Variants in PLEKHA5 observed in about 807,000 individuals in gnomAD.
PLEKHA5 encodes the protein pleckstrin homology domain-containing family A member 5.
In PLEKHA5, 55 loss-of-function variants were observed where a neutral mutation model predicts 181.9. The observed-to-expected ratio is 0.30, with a 90% CI of 0.24 to 0.38. The LOEUF is 0.38. PLEKHA5 is among the 10% of genes least tolerant of loss of function. The pLI is 1.00. For synonymous variants in PLEKHA5, 535 were observed against 529.4 expected (o/e 1.01, Z -0.15); for missense variants, 1,432 against 1,549.5 (o/e 0.92, Z 1.27).
intron 22 of PLEKHA5, among the ~76,000 whole-genome samples, chr12:19,345,422 TAAAA>T (rs2094257758): frequency 1.3e-5 from 2 of 148,444 alleles, no homozygotes; most frequent in African/African-American, 4.9e-5. Flanking sequence ...AAATAAAAAA[TAAAA>T]ATAAATAAAA....
intron 3 of PLEKHA5, among the ~76,000 whole-genome samples, chr12:19,231,971 G>T (rs1000314438): frequency 6.6e-6 from 1 of 152,002 alleles, no homozygotes; most frequent in Non-Finnish European, 1.5e-5. Context: ...TGCCAAAGGG[G>T]ATATAAATAT....
chr12:19,246,116 C>T (rs1725133780), intron 3 of PLEKHA5, among the ~76,000 whole-genome samples: 2 of 151,020 alleles, frequency 1.3e-5, no homozygotes, highest in South Asian at 4.2e-4. Flanking sequence ...GTAGCTGGGA[C>T]TACAGGCGCC....
chr12:19,208,412 A>AG, intron 3 of PLEKHA5, among the ~76,000 whole-genome samples: 1 of 80,420 alleles, frequency 1.2e-5, no homozygotes. Context: ...TGTCTCAAAA[A>AG]AAAAAAAAAG....
chr12:19,287,410 G>A, intron 12 of PLEKHA5, 63 bp from the exon 13 acceptor site: 1 of 879,430 alleles, frequency 1.1e-6, no homozygotes, highest in South Asian at 1.4e-5. Flanking sequence ...ATTTCTCCTT[G>A]CTGACATTGA....
chr12:19,210,642 A>G (rs2056718648), intron 3 of PLEKHA5, among the ~76,000 whole-genome samples: 1 of 152,224 alleles, frequency 6.6e-6, no homozygotes, highest in African/African-American at 2.4e-5. Context: ...AGTCAATAAG[A>G]AAGTATGATT....
Position 19,244,411 on chromosome 12 carries a change from T to C in PLEKHA5, c.228-9529T>C, listed in dbSNP as rs144517148. On this transcript the variant is annotated intron_variant, in intron 3 of 31. Transcript: ENST00000429027. The stretch of plus-strand genomic sequence containing the variant: ...CTGCATAGTTTTCTTCATAGAGAAA[T>C]ACAGTAGCTTCCATAGTTTCCACAC... Among the ~76,000 whole-genome samples the C allele has an allele frequency of 2.6e-3, 403 of 152,298 alleles. 3 individuals carry two copies. Among genetic ancestry groups the C allele is most frequent in the African/African-American group, 9.3e-3 (387 of 41,570 alleles).
chr12:19,290,897 C>G (rs2078267883), intron 14 of PLEKHA5, 101 bp downstream of exon 14: 7 of 1,010,512 alleles, frequency 6.9e-6, no homozygotes, highest in South Asian at 6.4e-5. Flanking sequence ...GAGCATGAGC[C>G]CATACCATCA....
intron 5 of PLEKHA5, 107 bp downstream of exon 5, chr12:19,255,272 T>C (rs1311694780): frequency 1.6e-6 from 1 of 625,336 alleles, no homozygotes; most frequent in African/African-American, 1.9e-5. Flanking sequence ...TTTTTATTAT[T>C]ACATGAATTT....
In PLEKHA5 at chr12:19,358,982, A is replaced by G. The variant is rs532096222; in HGVS notation, c.3349-430A>G. Among the ~76,000 whole-genome samples, 5 of 152,272 alleles carry G rather than the reference A, an allele frequency of 3.3e-5. No homozygotes were observed. The South Asian group carries it at 6.2e-4, about 19-fold the overall frequency. On this transcript the variant is annotated intron_variant, in intron 27 of 31. Transcript: ENST00000429027. ...AAATTCAGAGACAGCAGCCTAGCCA[A>G]CCTGTTCAGTAGCTTCTGTCTGGTC...
intron 3 of PLEKHA5, among the ~76,000 whole-genome samples, chr12:19,133,190 A>G (rs918880134): frequency 6.6e-6 from 1 of 152,004 alleles, no homozygotes; most frequent in African/African-American, 2.4e-5. Context: ...CTTGAGAGAA[A>G]AGATGACCAG....
chr12:19,348,364 A>G lies in PLEKHA5; in HGVS notation c.2899-35A>G, dbSNP rs115834684. ...AAACATTTTAAAAGAAACTTTTAGC[A>G]GTTTTTTAGGGTAATTACATGTCTT... On this transcript the variant is annotated intron_variant, in intron 24 of 31. Coordinates refer to ENST00000429027, the MANE Select transcript of PLEKHA5 (RefSeq NM_001256470.2). The G allele has an allele frequency of 4.0e-4, 615 of 1,518,752 alleles. 1 individual carries two copies. The African/African-American group carries it at 8.0e-3, about 20-fold the overall frequency. 94.1% of individuals were successfully genotyped at this position (1,518,752 alleles called of 1,614,324 possible).
intron 12 of PLEKHA5, among the ~76,000 whole-genome samples, chr12:19,285,650 C>T (rs2077062469): frequency 6.6e-6 from 1 of 152,214 alleles, no homozygotes; most frequent in Admixed American, 6.5e-5. Context: ...TAAATCAAGG[C>T]AGTGGATCCA....
At position 19,274,707 on chromosome 12, in the gene PLEKHA5, A is replaced by T. The variant is rs749927907; in HGVS notation, c.1037A>T (p.Lys346Ile). The T allele has an allele frequency of 6.2e-7, 1 of 1,614,024 alleles. No individual in the cohort carries two copies. Among genetic ancestry groups the T allele is most frequent in the Non-Finnish European group, 8.5e-7 (1 of 1,179,988 alleles). Residue 346 changes from lysine (K) to isoleucine (I), a missense_variant, in exon 11 of 32, where the codon AAA becomes ATA. This residue lies in a region of PLEKHA5 where 1,143 missense variants were observed against 1,168.4 expected (regional missense o/e 0.98). Transcript: ENST00000429027. The stretch of plus-strand genomic sequence containing the variant: ...GATGGTCAAGATAGACCCTTAACAA[A>T]AATTAATAGTGTAAAGCTGAATTCT... ...QKDGQDRPLT[K>I]INSVKLNSLP...
chr12:19,272,956 G>A (rs1352691777), intron 10 of PLEKHA5, among the ~76,000 whole-genome samples: 1 of 152,078 alleles, frequency 6.6e-6, no homozygotes, highest in East Asian at 1.9e-4. Flanking sequence ...GCCCAGGCTG[G>A]AGTGCAGTGG....
At chr12:19,357,254 CTTTTTT>C (rs5796799) in intron 26 of PLEKHA5, among the ~76,000 whole-genome samples, 2 of 96,114 alleles carry the variant, frequency 2.1e-5, no homozygotes, top group East Asian at 2.8e-4. Flanking sequence ...TCTTTATATT[CTTTTTT>C]TTTTTTTTTT....
intron 15 of PLEKHA5, chr12:19,306,371 C>A (rs1391964306): frequency 2.0e-6 from 1 of 498,968 alleles, no homozygotes; most frequent in Admixed American, 2.4e-5. Flanking sequence ...AACTAGCGTG[C>A]TCTCTTCCCC....
chr12:19,163,959 C>T (rs1160206373), intron 3 of PLEKHA5, among the ~76,000 whole-genome samples: 1 of 152,132 alleles, frequency 6.6e-6, no homozygotes, highest in African/African-American at 2.4e-5. Context: ...TCCATTCTTT[C>T]TGTTTGAAGG....
intron 3 of PLEKHA5, among the ~76,000 whole-genome samples, chr12:19,171,604 C>T (rs771462639): frequency 5.9e-5 from 9 of 152,088 alleles, no homozygotes; most frequent in Non-Finnish European, 1.2e-4. Flanking sequence ...AATAATCAGC[C>T]CACCTTAGCC....
intron 20 of PLEKHA5, among the ~76,000 whole-genome samples, chr12:19,335,549 G>A (rs2093352608): frequency 6.7e-6 from 1 of 149,488 alleles, no homozygotes; most frequent in Non-Finnish European, 1.5e-5. Context: ...CTAAGCAGCT[G>A]GGATTACAGG....
Sources: allele counts gnomAD v4.1 joint callset (sites outside exome capture counted in the v4.1 genomes callset), GRCh38; gene constraint gnomAD v4.1.1; regional missense constraint gnomAD v4.1.1; transcripts MANE v1.5; gene names NCBI Gene and HGNC (gene_info 2026-07-23, HGNC 2026-07-21).